The following SP4 variants were observed in gnomAD, a reference collection of about 807,000 sequenced individuals.
SP4 encodes Sp4 transcription factor, also known as transcription factor Sp4.
Under a neutral mutation model 72.8 loss-of-function variants are expected in SP4, and 19 were observed. That is an observed-to-expected ratio of 0.26 (90% CI 0.18 to 0.38). SP4 has a LOEUF of 0.38. Ranked by LOEUF, SP4 falls within the 10% of genes least tolerant of loss-of-function variation. The pLI is 1.00. For missense variants in SP4, 1,008 were observed against 926.3 expected, an observed-to-expected ratio of 1.09 and a Z score of -1.14; for synonymous variants, 395 against 333.1, an observed-to-expected ratio of 1.19 and a Z score of -2.02.
chr7:21,469,880 A>G (rs1784279320), intron 3 of SP4, among the ~76,000 whole-genome samples: 1 of 151,418 alleles, frequency 6.6e-6, no homozygotes, highest in African/African-American at 2.4e-5. Context: ...ATATTTTTAT[A>G]ATACTCTTTT....
chr7:21,432,757 G>A (rs1782907994), intron 3 of SP4, among the ~76,000 whole-genome samples: 1 of 151,994 alleles, frequency 6.6e-6, no homozygotes, highest in African/African-American at 2.4e-5. Context: ...ACTTTGGGAG[G>A]CCAGGGTGGG....
At chr7:21,447,312 G>A (rs1783459212) in intron 3 of SP4, among the ~76,000 whole-genome samples, 1 of 152,292 alleles carries the variant, frequency 6.6e-6, no homozygotes, top group Non-Finnish European at 1.5e-5. Context: ...CATAGTCCTT[G>A]CTGCCTTCTT....
chr7:21,481,809 G>A, intron 4 of SP4, 115 bp from the exon 5 acceptor site: 1 of 749,470 alleles, frequency 1.3e-6, no homozygotes, highest in Middle Eastern at 2.6e-4. Context: ...ATGGCATCAT[G>A]ATCAAACCTA....
intron 5 of SP4, among the ~76,000 whole-genome samples, chr7:21,508,445 G>C (rs530401903): frequency 1.3e-5 from 2 of 152,260 alleles, no homozygotes; most frequent in South Asian, 2.1e-4. Context: ...TCCTGCCTCA[G>C]CCTCCCAAGT....
intron 3 of SP4, among the ~76,000 whole-genome samples, chr7:21,433,038 T>C (rs1782918230): frequency 6.6e-6 from 1 of 152,162 alleles, no homozygotes; most frequent in Non-Finnish European, 1.5e-5. Flanking sequence ...TGTCTGGTCA[T>C]CAGCAGTGAA....
chr7:21,467,602 A>T (rs1245988384), intron 3 of SP4, among the ~76,000 whole-genome samples: 7 of 152,270 alleles, frequency 4.6e-5, no homozygotes, highest in African/African-American at 1.7e-4. Flanking sequence ...TTTAAGTCAG[A>T]TCATTATGTA....
intron 3 of SP4, among the ~76,000 whole-genome samples, chr7:21,464,143 GA>G (rs1184159320): frequency 2.6e-5 from 1 of 39,136 alleles, no homozygotes; most frequent in Non-Finnish European, 4.7e-5. Flanking sequence ...TTTTTTTTTT[GA>G]GATGGAGTCT....
intron 3 of SP4, among the ~76,000 whole-genome samples, chr7:21,470,863 C>T (rs1402182981): frequency 6.6e-6 from 1 of 151,448 alleles, no homozygotes; most frequent in East Asian, 1.9e-4. Flanking sequence ...AATAAAAGAA[C>T]GGCCATCCTC....
At chr7:21,471,851 G>C (rs1351663529) in intron 3 of SP4, among the ~76,000 whole-genome samples, 1 of 151,970 alleles carries the variant, frequency 6.6e-6, no homozygotes, top group Non-Finnish European at 1.5e-5. Flanking sequence ...TAAAAATTTG[G>C]GACAGTAATA....
At chr7:21,436,880 A>G (rs1783066542) in intron 3 of SP4, among the ~76,000 whole-genome samples, 1 of 152,206 alleles carries the variant, frequency 6.6e-6, no homozygotes, top group Admixed American at 6.5e-5. Context: ...GCCCTATTTT[A>G]GAAATGAAGA....
intron 3 of SP4, 70 bp from the exon 4 acceptor site, chr7:21,477,009 A>G (rs1194955692): frequency 2.9e-6 from 3 of 1,036,580 alleles, no homozygotes; most frequent in Non-Finnish European, 4.1e-6. Context: ...ATGCACATAG[A>G]TTTTTTTTTT....
At chr7:21,437,997 A>G (rs1368119395) in intron 3 of SP4, among the ~76,000 whole-genome samples, 1 of 150,552 alleles carries the variant, frequency 6.6e-6, no homozygotes, top group Non-Finnish European at 1.5e-5. Flanking sequence ...CTTTAGATAT[A>G]TGAGGGGCTT....
At chr7:21,443,779 C>G (rs896447916) in intron 3 of SP4, among the ~76,000 whole-genome samples, 2 of 152,106 alleles carry the variant, frequency 1.3e-5, no homozygotes, top group African/African-American at 4.8e-5. Context: ...AATATGATGA[C>G]AAGTACTAAC....
intron 5 of SP4, among the ~76,000 whole-genome samples, chr7:21,506,176 C>T (rs1008203257): frequency 6.6e-6 from 1 of 152,180 alleles, no homozygotes; most frequent in African/African-American, 2.4e-5. Context: ...AAATCCCTCC[C>T]CTTTTACCCC....
At chr7:21,488,484 T>C (rs999356802) in intron 5 of SP4, among the ~76,000 whole-genome samples, 25 of 151,630 alleles carry the variant, frequency 1.6e-4, no homozygotes, top group Non-Finnish European at 3.2e-4. Context: ...CTTTCCTTTT[T>C]TTTTTTTTTT....
Position 21,514,525 on chromosome 7 carries a change from TTTTTG to T in SP4, c.*3258_*3262del, listed in dbSNP as rs1409314425. The T allele has an allele frequency of 1.2e-3, 95 of 76,396 alleles. No individual in the cohort carries two copies. Among genetic ancestry groups the T allele is most frequent in the Non-Finnish European group, 1.1e-3 (46 of 40,032 alleles). 4.7% of individuals were successfully genotyped at this position (76,396 alleles called of 1,614,324 possible). On this transcript the variant is annotated 3_prime_UTR_variant, in exon 6 of 6. Coordinates refer to ENST00000222584, the MANE Select transcript of SP4 (RefSeq NM_003112.5). ...GTAGTAACATTTCACTTGTAAATTTTTTTTGTAAAAAAAAAAAAATGAAAAAAAAA... is the reference window on the plus strand; with the variant it reads ...GTAGTAACATTTCACTTGTAAATTTTTAAAAAAAAAAAAATGAAAAAAAAA...
At chr7:21,476,448 A>G (rs867237616) in intron 3 of SP4, among the ~76,000 whole-genome samples, 1 of 152,170 alleles carries the variant, frequency 6.6e-6, no homozygotes, top group Non-Finnish European at 1.5e-5. Context: ...TATAACATGA[A>G]TGAATAAAGT....
chr7:21,469,135 G>A (rs547475438), intron 3 of SP4, among the ~76,000 whole-genome samples: 131 of 152,172 alleles, frequency 8.6e-4, no homozygotes, highest in African/African-American at 3.0e-3. Flanking sequence ...GTACAGTAAT[G>A]GCTTTGTAAA....
At chr7:21,449,913 T>A (rs1223908469) in intron 3 of SP4, among the ~76,000 whole-genome samples, 2 of 152,194 alleles carry the variant, frequency 1.3e-5, no homozygotes, top group Non-Finnish European at 2.9e-5. Context: ...TTTTCTCCTA[T>A]CCCAAGTGGC....
Sources: allele counts gnomAD v4.1 joint callset (sites outside exome capture counted in the v4.1 genomes callset), GRCh38; gene constraint gnomAD v4.1.1; transcripts MANE v1.5; gene names NCBI Gene and HGNC (gene_info 2026-07-23, HGNC 2026-07-21).